The following CCDC171 variants were observed in gnomAD, a reference collection of about 807,000 sequenced individuals.
CCDC171 encodes the protein coiled-coil domain-containing protein 171.
CCDC171 carries 177 observed loss-of-function variants against 168.2 expected under a neutral mutation model. That is an observed-to-expected ratio of 1.05 (90% CI 0.93 to 1.19). CCDC171 has a LOEUF of 1.19. CCDC171 is among the 50% of genes most tolerant of loss of function. CCDC171 has a pLI of 0.00. For missense variants in CCDC171, 1,991 were observed against 1,539.0 expected (o/e 1.29, Z -4.91); for synonymous variants, 687 against 540.8 (o/e 1.27, Z -3.75).
chr9:16,107,752 T>A, the CCDC171 span, among the ~76,000 whole-genome samples: 42,004 of 151,918 alleles, frequency 0.28, 6,283 homozygotes, highest in Non-Finnish European at 0.34. Context: ...ACAAAAAAAA[T>A]TTTAAACATT....
rs1250537375 is a variant in CCDC171 at position 15,905,056 on chromosome 9, C to G, written c.3601-15214C>G. Among the ~76,000 whole-genome samples, 8 of 152,274 alleles carry G rather than the reference C, an allele frequency of 5.3e-5. No homozygotes were observed. The South Asian group carries it at 1.5e-3, about 28-fold the overall frequency. ...AGAGACCTACAAAGAGACTTAGACT[C>G]CCACACAATAATAATGGGAGACTTT... On this transcript the variant is annotated intron_variant, in intron 24 of 25. Coordinates refer to ENST00000380701, the MANE Select transcript of CCDC171 (RefSeq NM_173550.4).
intron 11 of CCDC171, among the ~76,000 whole-genome samples, chr9:15,716,068 A>T (rs1564273157): frequency 6.6e-6 from 1 of 152,184 alleles, no homozygotes; most frequent in African/African-American, 2.4e-5. Flanking sequence ...AGTCAGGTTG[A>T]CAAAAAATTC....
chr9:15,671,068 G>C (rs1207402968), intron 9 of CCDC171, among the ~76,000 whole-genome samples: 1 of 152,098 alleles, frequency 6.6e-6, no homozygotes, highest in Non-Finnish European at 1.5e-5. Flanking sequence ...CTTCAGTGTG[G>C]GCGACCAAGT....
At chr9:15,823,894 A>G (rs1329693666) in intron 21 of CCDC171, among the ~76,000 whole-genome samples, 1 of 152,154 alleles carries the variant, frequency 6.6e-6, no homozygotes, top group Non-Finnish European at 1.5e-5. Context: ...GTCTTTTAAC[A>G]AAATCATTTT....
chr9:15,772,356 T>C (rs1367764635), intron 18 of CCDC171, among the ~76,000 whole-genome samples: 2 of 151,956 alleles, frequency 1.3e-5, no homozygotes, highest in Non-Finnish European at 2.9e-5. Flanking sequence ...TACTACTTTT[T>C]TTTTTGTCGT....
At chr9:15,965,697 A>AAGAGGAGC (rs57983659) in intron 25 of CCDC171, among the ~76,000 whole-genome samples, 2 of 151,968 alleles carry the variant, frequency 1.3e-5, no homozygotes, top group Non-Finnish European at 1.5e-5. Context: ...AGAAGGGAAG[A>AAGAGGAGC]TATGCTACAC....
chr9:15,707,474 A>C (rs1314273167), intron 11 of CCDC171, among the ~76,000 whole-genome samples: 3 of 152,220 alleles, frequency 2.0e-5, no homozygotes, highest in Non-Finnish European at 4.4e-5. Context: ...GAATAAAGTG[A>C]GACTATGCCA....
intron 7 of CCDC171, among the ~76,000 whole-genome samples, chr9:15,635,973 C>T (rs1375416401): frequency 6.6e-6 from 1 of 152,156 alleles, no homozygotes; most frequent in African/African-American, 2.4e-5. Context: ...TTTTATATTA[C>T]AACCACTGTA....
the CCDC171 span, among the ~76,000 whole-genome samples, chr9:16,090,440 C>T: frequency 0.17 from 26,575 of 152,022 alleles, 2,464 homozygotes; most frequent in Non-Finnish European, 0.19. Flanking sequence ...AGTGGAGGGA[C>T]AGCATTAGGA....
At chr9:15,636,581 C>T (rs2046215854) in intron 7 of CCDC171, among the ~76,000 whole-genome samples, 1 of 150,280 alleles carries the variant, frequency 6.7e-6, no homozygotes, top group Non-Finnish European at 1.5e-5. Context: ...AAATATCATC[C>T]CTACAAAAAA....
intron 24 of CCDC171, among the ~76,000 whole-genome samples, chr9:15,907,191 C>T (rs1192725309): frequency 6.6e-6 from 1 of 152,136 alleles, no homozygotes; most frequent in Non-Finnish European, 1.5e-5. Context: ...AAAGAGCCCA[C>T]ATTGCCAAGT....
chr9:15,780,000 C>T (rs2057575927), intron 20 of CCDC171, among the ~76,000 whole-genome samples: 2 of 152,302 alleles, frequency 1.3e-5, no homozygotes, highest in South Asian at 4.1e-4. Context: ...AAAACAGCTA[C>T]TATAACTTCA....
At chr9:16,076,717 G>T in the CCDC171 span, among the ~76,000 whole-genome samples, 1 of 152,138 alleles carries the variant, frequency 6.6e-6, no homozygotes, top group Non-Finnish European at 1.5e-5. Context: ...CCAGCCAGCA[G>T]GAAAATTTAT....
chr9:15,824,614 T>TA (rs200332632), intron 21 of CCDC171, among the ~76,000 whole-genome samples: 3 of 152,102 alleles, frequency 2.0e-5, no homozygotes, highest in Non-Finnish European at 2.9e-5. Context: ...CTTTTGTAGT[T>TA]AAAAAACATC....
At chr9:15,955,969 C>G (rs913766818) in intron 25 of CCDC171, among the ~76,000 whole-genome samples, 1 of 151,900 alleles carries the variant, frequency 6.6e-6, no homozygotes, top group African/African-American at 2.4e-5. Flanking sequence ...GAAAAGGATT[C>G]GATTCTAGAT....
intron 11 of CCDC171, among the ~76,000 whole-genome samples, chr9:15,698,810 C>T (rs2051436770): frequency 1.3e-5 from 2 of 152,134 alleles, no homozygotes; most frequent in Admixed American, 6.5e-5. Context: ...GCCTCAGCCT[C>T]CTAAATAGCT....
the CCDC171 span, among the ~76,000 whole-genome samples, chr9:16,107,455 G>A: frequency 6.6e-6 from 1 of 152,028 alleles, no homozygotes; most frequent in African/African-American, 2.4e-5. Context: ...TTGCCCCCAT[G>A]GAGAATGTAT....
chr9:15,874,395 A>G (rs748471249), intron 23 of CCDC171, 137 bp from the exon 24 acceptor site: 41 of 625,356 alleles, frequency 6.6e-5, no homozygotes, highest in Non-Finnish European at 9.7e-5. Context: ...CGAAAAATCA[A>G]TTAGTCCTAA....
intron 18 of CCDC171, among the ~76,000 whole-genome samples, chr9:15,766,648 T>C (rs1480759424): frequency 7.7e-6 from 1 of 130,384 alleles, no homozygotes; most frequent in Non-Finnish European, 1.7e-5. Context: ...TACATTTATT[T>C]TTATTTTATT....
Sources: gnomAD v4.1 joint callset for allele counts (sites outside exome capture counted in the v4.1 genomes callset) on GRCh38, gnomAD v4.1.1 for gene constraint, MANE v1.5 for transcripts, NCBI Gene and HGNC (gene_info 2026-07-23, HGNC 2026-07-21) for gene names.